SOS2: variants seen among roughly 807,000 people sequenced by gnomAD.
SOS2 encodes the protein son of sevenless homolog 2.
In SOS2, 65 loss-of-function variants were observed where a neutral mutation model predicts 148.2. The observed-to-expected ratio is 0.44, with a 90% CI of 0.36 to 0.54. The LOEUF is 0.54. SOS2 is among the 20% of genes least tolerant of loss of function. SOS2 has a pLI of 0.00. For missense variants in SOS2, 1,341 were observed against 1,590.2 expected (o/e 0.84, Z 2.67); for synonymous variants, 539 against 537.1 (o/e 1.00, Z -0.05).
At chr14:50,144,523 T>C (rs983021253) in intron 16 of SOS2, among the ~76,000 whole-genome samples, 4 of 152,034 alleles carry the variant, frequency 2.6e-5, no homozygotes, top group African/African-American at 9.7e-5. Flanking sequence ...CTGCAAATGC[T>C]GCCTCCTGAG....
chr14:50,120,295 G>C lies in SOS2; in HGVS notation c.3469C>G (p.His1157Asp). 6.3e-7 allele frequency: 1 copy of C among 1,590,228 alleles called. No homozygotes were observed. Among genetic ancestry groups the C allele is most frequent in the Non-Finnish European group, 8.6e-7 (1 of 1,159,986 alleles). Residue 1157 changes from histidine (H) to aspartate (D), a missense_variant, in exon 22 of 23, where the codon CAT (histidine) becomes GAT (aspartate). Physicochemically the swap from His to Asp is moderately conservative, Grantham distance 81. Around this residue, in one of 4 missense-constraint regions of SOS2, gnomAD observed 354 missense variants for 347.7 expected, o/e 1.02. Transcript: ENST00000216373. ...PPLPPRKKFD[H>D]DASNSKGNMK... ...ATTACCTTGGAATTTGAAGCATCAT[G>C]ATCAAACTTTTTTCGAGGAGGAAGA...
At chr14:50,126,554 A>G (rs143804171) in intron 21 of SOS2, among the ~76,000 whole-genome samples, 1 of 152,318 alleles carries the variant, frequency 6.6e-6, no homozygotes, top group East Asian at 1.9e-4. Context: ...CAGTGCATCC[A>G]TGAAATTAGA....
At chr14:50,140,633 A>G (rs1193722618) in intron 16 of SOS2, among the ~76,000 whole-genome samples, 1 of 152,206 alleles carries the variant, frequency 6.6e-6, no homozygotes, top group African/African-American at 2.4e-5. Flanking sequence ...TTTCCTTTAA[A>G]TCAAGGAAAA....
chr14:50,182,893 G>A (rs1319998407), intron 5 of SOS2, among the ~76,000 whole-genome samples: 1 of 152,148 alleles, frequency 6.6e-6, no homozygotes, highest in South Asian at 2.1e-4. Context: ...TAATTTATGG[G>A]TGGTACTCGT....
intron 1 of SOS2, among the ~76,000 whole-genome samples, chr14:50,221,121 C>G (rs1887189503): frequency 6.6e-6 from 1 of 152,170 alleles, no homozygotes; most frequent in African/African-American, 2.4e-5. Context: ...CCTTTAAAAC[C>G]TCCATGATCA....
intron 21 of SOS2, among the ~76,000 whole-genome samples, chr14:50,127,088 C>G (rs1883702487): frequency 6.6e-6 from 1 of 151,280 alleles, no homozygotes; most frequent in South Asian, 2.1e-4. Context: ...AGGCAAATGG[C>G]TACCTAGTTA....
At chr14:50,142,842 T>C (rs944815204) in intron 16 of SOS2, among the ~76,000 whole-genome samples, 2 of 152,230 alleles carry the variant, frequency 1.3e-5, no homozygotes, top group African/African-American at 4.8e-5. Context: ...CCTAAGAGTA[T>C]GCACATTTTT....
chr14:50,202,062 C>T (rs970316356), intron 2 of SOS2, among the ~76,000 whole-genome samples: 1 of 152,156 alleles, frequency 6.6e-6, no homozygotes, highest in African/African-American at 2.4e-5. Flanking sequence ...TCCCAGACTC[C>T]AATGATCCTC....
intron 16 of SOS2, among the ~76,000 whole-genome samples, chr14:50,142,235 T>C (rs141098288): frequency 0.025 from 3,766 of 152,100 alleles, 166 homozygotes; most frequent in African/African-American, 0.085. Context: ...CTCAAACTCC[T>C]GGCCTCATGT....
chr14:50,130,425 T>A, intron 20 of SOS2, 76 bp downstream of exon 20: 1 of 1,224,526 alleles, frequency 8.2e-7, no homozygotes, highest in Non-Finnish European at 1.2e-6. Context: ...ATTCTATAGT[T>A]CCCTAATTAA....
At position 50,159,504 on chromosome 14, in the gene SOS2, T is replaced by C; in HGVS notation, c.1779A>G (p.Arg593=). ...NIVFEDNLQS[R]SGIPIIKGGT... is the part of the protein sequence containing the mutation. ...CTCCTTTAATAATGGGGATGCCACT[T>C]CTACTTTGCAAGTTGTCTTCAAAAA... The change falls in exon 10 of 23, where the codon AGA becomes AGG. Residue 593 remains arginine, a synonymous_variant. Coordinates refer to ENST00000216373, the MANE Select transcript of SOS2 (RefSeq NM_006939.4). 6.2e-7 allele frequency: 1 copy of C among 1,613,316 alleles called. No individual in the cohort carries two copies. The highest frequency in any genetic ancestry group is 8.5e-7 in the Non-Finnish European group (1 of 1,179,268).
chr14:50,162,304 T>C (rs1162497761), intron 8 of SOS2, among the ~76,000 whole-genome samples: 2 of 152,104 alleles, frequency 1.3e-5, no homozygotes, highest in East Asian at 3.9e-4. Flanking sequence ...TCCAGCTAAT[T>C]TTTTTATTTT....
intron 2 of SOS2, among the ~76,000 whole-genome samples, chr14:50,203,790 A>AT (rs150066456): frequency 0.027 from 3,938 of 145,260 alleles, 142 homozygotes; most frequent in African/African-American, 0.082. Flanking sequence ...CATAGAGAAC[A>AT]TTTTTTTTTT....
intron 10 of SOS2, 54 bp from the exon 11 acceptor site, chr14:50,158,700 A>G: frequency 8.8e-7 from 1 of 1,132,014 alleles, no homozygotes; most frequent in Non-Finnish European, 1.3e-6. Context: ...CAGTTTAATT[A>G]ACTCAAAGTA....
chr14:50,167,870 A>AAAAAAAAAAG (rs1464192238), intron 8 of SOS2, among the ~76,000 whole-genome samples: 1 of 151,876 alleles, frequency 6.6e-6, no homozygotes, highest in Non-Finnish European at 1.5e-5. Context: ...TCTGTCTCAA[A>AAAAAAAAAAG]AAAAAAAAAG....
intron 9 of SOS2, among the ~76,000 whole-genome samples, chr14:50,161,219 G>T (rs1447734415): frequency 3.3e-5 from 5 of 150,960 alleles, no homozygotes; most frequent in Admixed American, 6.6e-5. Context: ...TTGGAACGCA[G>T]GAGGCTAAGG....
At chr14:50,195,046 TA>T (rs1886271452) in intron 4 of SOS2, among the ~76,000 whole-genome samples, 5 of 152,132 alleles carry the variant, frequency 3.3e-5, no homozygotes, top group Admixed American at 3.3e-4. Flanking sequence ...ATAGCCTCAA[TA>T]ACAGTATGAA....
chr14:50,204,482 T>C (rs1048951154), intron 1 of SOS2, 73 bp from the exon 2 acceptor site: 3 of 901,604 alleles, frequency 3.3e-6, no homozygotes, highest in African/African-American at 1.7e-5. Flanking sequence ...GAGAATCTTA[T>C]ATATAATATT....
chr14:50,187,627 G>A (rs990260113), intron 5 of SOS2, among the ~76,000 whole-genome samples: 1 of 152,046 alleles, frequency 6.6e-6, no homozygotes, highest in Admixed American at 6.6e-5. Flanking sequence ...GGGATTATAG[G>A]CGTGAGCCAC....
Sources: gnomAD v4.1 joint callset for allele counts (sites outside exome capture counted in the v4.1 genomes callset) on GRCh38, gnomAD v4.1.1 for gene constraint, gnomAD v4.1.1 regional missense constraint, MANE v1.5 for transcripts, NCBI Gene and HGNC (gene_info 2026-07-23, HGNC 2026-07-21) for gene names.